Variants in HOOK2 observed in about 807,000 individuals in gnomAD.
The protein encoded by HOOK2 is protein Hook homolog 2.
Under a neutral mutation model 111.9 loss-of-function variants are expected in HOOK2, and 108 were observed. That is an observed-to-expected ratio of 0.96 (90% confidence interval 0.83 to 1.13). HOOK2 has a LOEUF of 1.13. HOOK2 is among the 50% of genes most tolerant of loss of function. HOOK2 has a pLI of 0.00. For missense variants in HOOK2, 978 were observed against 951.3 expected (o/e 1.03, Z -0.37); for synonymous variants, 405 against 394.3 (o/e 1.03, Z -0.32).
upstream of HOOK2, among the ~76,000 whole-genome samples, chr19:12,779,120 T>A (rs1968570146): frequency 6.6e-6 from 1 of 152,152 alleles, no homozygotes; most frequent in South Asian, 2.1e-4. Context: ...GGTGTGCAGG[T>A]CTGGGCCAGC....
intron 7 of HOOK2, 100 bp from the exon 8 acceptor site, chr19:12,771,577 C>T (rs1329628319): frequency 1.7e-5 from 17 of 1,020,190 alleles, no homozygotes; most frequent in East Asian, 5.2e-5. Flanking sequence ...GCCAAGAAAC[C>T]CTCAGGATTG....
chr19:12,775,645 C>T (rs1026517232), upstream of HOOK2: 3 of 461,894 alleles, frequency 6.5e-6, no homozygotes, highest in Admixed American at 4.7e-5. Context: ...TCCCTACGCC[C>T]GCTCTTGCCT....
chr19:12,774,344 G>A, intron 3 of HOOK2: 1 of 391,630 alleles, frequency 2.6e-6, no homozygotes, highest in Non-Finnish European at 4.8e-6. Flanking sequence ...GGCCCCAGGT[G>A]ATCCACCCAC....
chr19:12,766,134 G>T lies in HOOK2; in HGVS notation c.1480C>A (p.Arg494Ser), dbSNP rs774884747. 1.6e-5 allele frequency: 26 copies of T among 1,601,938 alleles called. No homozygotes were observed. In the Admixed American group the frequency reaches 3.2e-4, roughly 20 times the overall value. The change falls in exon 15 of 23, where the codon CGC (arginine) becomes AGC (serine). Residue 494 changes from arginine to serine, a missense_variant. Arg to Ser is a moderately radical substitution (Grantham distance 110, BLOSUM62 -1). Transcript: ENST00000397668. ...TGCGTCTCCAACCCGTGGCGCGCGC[G>T]GTTGGCATCCTCCAGGTGGCGCTGC... ...ELQRHLEDAN[R>S]ARHGLETQHR...
At chr19:12,773,214 C>T in intron 3 of HOOK2, 170 bp from the exon 4 acceptor site, 1 of 566,168 alleles carries the variant, frequency 1.8e-6, no homozygotes, top group Non-Finnish European at 3.1e-6. Flanking sequence ...CTTTTGTCTG[C>T]CTGACCATCT....
upstream of HOOK2, among the ~76,000 whole-genome samples, chr19:12,779,925 A>C (rs1968582216): frequency 6.6e-6 from 1 of 152,132 alleles, no homozygotes; most frequent in Non-Finnish European, 1.5e-5. Flanking sequence ...CAAGGCAGAC[A>C]GATCACTTGA....
chr19:12,763,515 A>G lies in HOOK2; in HGVS notation c.2010+13T>C. 6 of 1,614,124 alleles carry G rather than the reference A, an allele frequency of 3.7e-6. No homozygotes were observed. Among genetic ancestry groups the G allele is most frequent in the Non-Finnish European group, 4.2e-6 (5 of 1,180,020 alleles). On this transcript the variant is annotated intron_variant, in intron 22 of 22. Transcript: ENST00000397668. ...CTACCCATGAGATCTTAGAGCCCAGACCCCACACTTACCATATTATACCAG... is the reference window on the plus strand; with the variant it reads ...CTACCCATGAGATCTTAGAGCCCAGGCCCCACACTTACCATATTATACCAG...
At position 12,774,674 on chromosome 19, in the gene HOOK2, G is replaced by T. The variant is rs780079835; in HGVS notation, c.199C>A (p.Leu67Met). 1 of 1,614,116 alleles carries T rather than the reference G, an allele frequency of 6.2e-7. No individual in the cohort carries two copies. The highest frequency in any genetic ancestry group is 1.7e-5 in the Admixed American group (1 of 60,022). The change falls in exon 3 of 23, where the codon CTG becomes ATG. Residue 67 changes from leucine to methionine, a missense_variant. By Grantham distance (15) the Leu-to-Met change is conservative (BLOSUM62 2). Coordinates refer to ENST00000397668, the MANE Select transcript of HOOK2 (RefSeq NM_013312.3). Reference protein sequence around the residue: ...ISEDPGPNWKLKVSNLKMVLR... With the variant: ...ISEDPGPNWKMKVSNLKMVLR... ...ATCAGGAGTCCACTTGTCACCTTCAGCTTCCAGTTGGGACCTGGATCTTCC... is the reference window on the plus strand; with the variant it reads ...ATCAGGAGTCCACTTGTCACCTTCATCTTCCAGTTGGGACCTGGATCTTCC...
chr19:12,763,212 T>G lies in HOOK2; in HGVS notation c.*70A>C. The G allele has an allele frequency of 6.5e-7, 1 of 1,548,472 alleles. No homozygotes were observed. Among genetic ancestry groups the G allele is most frequent in the South Asian group, 1.2e-5 (1 of 84,370 alleles). On this transcript the variant is annotated 3_prime_UTR_variant, in exon 23 of 23. Transcript: ENST00000397668. ...TCTCGAGCACCTGGCTGAAGCCCAG[T>G]GCTGGGCGCCATGTGAGCTGGAGGA... is the stretch of plus-strand genomic sequence containing the variant.
At position 12,772,211 on chromosome 19, in the gene HOOK2, C is replaced by G; in HGVS notation, c.498G>C (p.Thr166=). 1 of 1,613,836 alleles carries G rather than the reference C, an allele frequency of 6.2e-7. No individual in the cohort carries two copies. Among genetic ancestry groups the G allele is most frequent in the Non-Finnish European group, 8.5e-7 (1 of 1,179,678 alleles). The change falls in exon 7 of 23, where the codon ACG becomes ACC. Residue 166 remains threonine, a synonymous_variant. Coordinates refer to ENST00000397668, the MANE Select transcript of HOOK2 (RefSeq NM_013312.3). ...KDTPDSLSPE[T]YGNFDSQSRR... is the part of the protein sequence containing the mutation. Reference sequence around the variant, plus strand: ...TTACCTGGCTGTCAAAGTTGCCATACGTCTCTGGTGACAGGGAGTCAGGAG... The same window carrying G: ...TTACCTGGCTGTCAAAGTTGCCATAGGTCTCTGGTGACAGGGAGTCAGGAG...
chr19:12,774,448 A>G (rs1968432756), intron 3 of HOOK2: 2 of 605,874 alleles, frequency 3.3e-6, no homozygotes, highest in South Asian at 3.9e-5. Flanking sequence ...GCTTGTCACT[A>G]GAATGATGGC....
rs762775836 is a variant in HOOK2 at position 12,763,413 on chromosome 19, G to A, written c.2029C>T (p.Arg677Ter). The change falls in exon 23 of 23, where the codon CGA (arginine) becomes TGA (stop). Residue 677 changes from arginine to a stop codon, truncating the protein, a stop_gained. Coordinates refer to ENST00000397668, the MANE Select transcript of HOOK2 (RefSeq NM_013312.3). LOFTEE classifies it high-confidence loss of function. ...WYNMGMALQQRAGEERAPAHA... is the reference protein window; with the variant it reads ...WYNMGMALQQ ...GCAGGCGCCCGCTCCTCCCCAGCTC[G>A]CTGCTGCAAGGCCATGCCCTTCAGG... 8 of 1,613,798 alleles carry A rather than the reference G, an allele frequency of 5.0e-6. No homozygotes were observed. Among genetic ancestry groups the A allele is most frequent in the Non-Finnish European group, 5.9e-6 (7 of 1,179,946 alleles).
chr19:12,787,744 A>G (rs1427661809), intron 3 of HOOK2, among the ~76,000 whole-genome samples: 1 of 152,046 alleles, frequency 6.6e-6, no homozygotes, highest in Non-Finnish European at 1.5e-5. Context: ...GTTTGGCCAA[A>G]GTGAGGTTCT....
At position 12,770,032 on chromosome 19, in the gene HOOK2, C is replaced by T. The variant is rs1042497168; in HGVS notation, c.953G>A (p.Arg318Gln). ...CTCCCTCAGCTCGCCCAAGCGGCGCCGGCAACTGGTCAGCGTGGCCTCCAG... is the reference window on the plus strand; with the variant it reads ...CTCCCTCAGCTCGCCCAAGCGGCGCTGGCAACTGGTCAGCGTGGCCTCCAG... ...GQLEATLTSCRRRLGELRELR... is the reference protein window; with the variant it reads ...GQLEATLTSCQRRLGELRELR... The change falls in exon 11 of 23, where the codon CGG becomes CAG. Residue 318 changes from arginine to glutamine, a missense_variant. Around this residue, in one of 5 missense-constraint regions of HOOK2, gnomAD observed 388 missense variants for 358.3 expected, o/e 1.08. Transcript: ENST00000397668. 1.9e-6 allele frequency: 3 copies of T among 1,540,310 alleles called. No individual in the cohort carries two copies. The highest frequency in any genetic ancestry group is 2.7e-5 in the African/African-American group (2 of 72,762).
At chr19:12,767,698 G>A in intron 13 of HOOK2, 118 bp downstream of exon 13, 2 of 973,274 alleles carry the variant, frequency 2.1e-6, no homozygotes, top group East Asian at 2.6e-5. Context: ...ACCTCTTTCT[G>A]GTCACCTCCA....
chr19:12,775,626 G>A (rs1968482318), upstream of HOOK2: 2 of 519,734 alleles, frequency 3.8e-6, no homozygotes, highest in Admixed American at 5.2e-5. Context: ...GCCTCGGAAC[G>A]TAATCTCCTC....
chr19:12,778,101 G>A (rs117582232), upstream of HOOK2, among the ~76,000 whole-genome samples: 2,166 of 151,250 alleles, frequency 0.014, 20 homozygotes, highest in Non-Finnish European at 0.023. Flanking sequence ...GACGGGCGGG[G>A]TAATGTGCAC....
rs897278950 is a variant in HOOK2 at position 12,765,015 on chromosome 19, T to C, written c.1707A>G (p.Pro569=). Residue 569 remains proline (P), a synonymous_variant, in exon 19 of 23, where the codon CCA becomes CCG. Transcript: ENST00000397668. ...CCTACTTACTGCTGCTGTCAGTGGG[T>C]GGCTCCAGCTCCTCAATGTACTCCC... The part of the protein sequence containing the change: ...RKREYIEELE[P]PTDSSTARRI... The C allele has an allele frequency of 6.2e-6, 10 of 1,614,038 alleles. No homozygotes were observed. In the African/African-American group the frequency reaches 1.2e-4, roughly 19 times the overall value.
intron 3 of HOOK2, among the ~76,000 whole-genome samples, chr19:12,789,271 T>C (rs2145802168): frequency 6.6e-6 from 1 of 152,012 alleles, no homozygotes; most frequent in African/African-American, 2.4e-5. Context: ...GTTCACACAC[T>C]AACTGCTCGG....
Sources: allele counts gnomAD v4.1 joint callset (sites outside exome capture counted in the v4.1 genomes callset), GRCh38; gene constraint gnomAD v4.1.1; regional missense constraint gnomAD v4.1.1; transcripts MANE v1.5; gene names NCBI Gene and HGNC (gene_info 2026-07-23, HGNC 2026-07-21).